Variants in MAP2K1 observed in about 807,000 individuals in gnomAD.
MAP2K1 encodes mitogen-activated protein kinase kinase 1.
In MAP2K1, 16 loss-of-function variants were observed where a neutral mutation model predicts 46.3. The ratio of observed to expected loss-of-function variants is 0.35; its 90% CI spans 0.23 to 0.52. The LOEUF (loss-of-function observed/expected upper bound fraction) is 0.52. Among genes scored for constraint, MAP2K1 ranks in the 20% least tolerant of loss-of-function variants. MAP2K1 has a pLI of 0.94. For synonymous variants in MAP2K1, 183 were observed against 185.6 expected (o/e 0.99, Z 0.11); for missense variants, 263 against 497.1 (o/e 0.53, Z 4.48).
intron 1 of MAP2K1, among the ~76,000 whole-genome samples, chr15:66,410,930 G>A (rs1049578209): frequency 1.1e-4 from 17 of 152,224 alleles, no homozygotes; most frequent in African/African-American, 1.7e-4. Context: ...CCCATCTCCC[G>A]CCCAGGCCTG....
intron 1 of MAP2K1, among the ~76,000 whole-genome samples, chr15:66,400,211 A>G (rs1036646984): frequency 2.6e-5 from 4 of 151,966 alleles, no homozygotes; most frequent in African/African-American, 9.7e-5. Context: ...TTCATTTAAG[A>G]CAGGTTCTCA....
intron 1 of MAP2K1, among the ~76,000 whole-genome samples, chr15:66,424,167 C>G (rs1433605098): frequency 6.6e-6 from 1 of 151,750 alleles, no homozygotes; most frequent in East Asian, 1.9e-4. Flanking sequence ...AAATGACTCT[C>G]CTGTCTCAGC....
intron 1 of MAP2K1, among the ~76,000 whole-genome samples, chr15:66,415,646 C>T (rs903277779): frequency 6.6e-6 from 1 of 152,220 alleles, no homozygotes; most frequent in Non-Finnish European, 1.5e-5. Context: ...GCTGACTTTC[C>T]TGGCTTGGCT....
chr15:66,452,131 CTG>C (rs1191138969), intron 5 of MAP2K1, among the ~76,000 whole-genome samples: 1 of 91,408 alleles, frequency 1.1e-5, no homozygotes, highest in Non-Finnish European at 2.1e-5. Context: ...ACTCTGGGGA[CTG>C]TGGTGGGGTC....
At chr15:66,477,411 C>A (rs984587689) in intron 5 of MAP2K1, among the ~76,000 whole-genome samples, 2 of 152,080 alleles carry the variant, frequency 1.3e-5, no homozygotes, top group African/African-American at 4.8e-5. Flanking sequence ...TGTGAACTGC[C>A]GATCTTGGAG....
intron 1 of MAP2K1, among the ~76,000 whole-genome samples, chr15:66,393,245 C>T (rs2093360831): frequency 6.6e-6 from 1 of 151,592 alleles, no homozygotes; most frequent in Non-Finnish European, 1.5e-5. Context: ...TGTTGCAATC[C>T]TGGCTCACTG....
intron 5 of MAP2K1, chr15:66,453,339 A>G (rs1290984369): frequency 6.5e-6 from 4 of 612,660 alleles, no homozygotes; most frequent in Non-Finnish European, 8.7e-6. Flanking sequence ...GTCTCTGAAC[A>G]GATGTCTTTG....
chr15:66,424,791 CTTTTTTTTT>C (rs58738231), intron 1 of MAP2K1, among the ~76,000 whole-genome samples: 32 of 82,120 alleles, frequency 3.9e-4, no homozygotes, highest in Non-Finnish European at 5.4e-4. Flanking sequence ...CAATCTCAAT[CTTTTTTTTT>C]TTTTTTTTTT....
intron 8 of MAP2K1, 35 bp downstream of exon 8, chr15:66,487,327 T>C (rs1893066818): frequency 6.2e-7 from 1 of 1,600,170 alleles, no homozygotes; most frequent in Middle Eastern, 1.7e-4. Context: ...CCTTGGAATT[T>C]ACTTGCTCAT....
chr15:66,458,285 T>G (rs1892224128), intron 5 of MAP2K1, among the ~76,000 whole-genome samples: 1 of 152,192 alleles, frequency 6.6e-6, no homozygotes. Flanking sequence ...CAAGGCCTTA[T>G]TTTGACTAAG....
At chr15:66,387,885 C>T (rs753845761) in intron 1 of MAP2K1, among the ~76,000 whole-genome samples, 1 of 152,210 alleles carries the variant, frequency 6.6e-6, no homozygotes, top group Non-Finnish European at 1.5e-5. Context: ...TCATGCCTGA[C>T]ACCTGTGGGG....
chr15:66,414,003 T>A (rs1386070474), intron 1 of MAP2K1, among the ~76,000 whole-genome samples: 1 of 151,208 alleles, frequency 6.6e-6, no homozygotes, highest in Non-Finnish European at 1.5e-5. Flanking sequence ...ATCCTCTGCA[T>A]TCGTGGCTCT....
rs34093437 is a variant in MAP2K1, at chr15:66,488,537, C to T, written c.961-678C>T. ...CCCACATTTCCTGGACTGCATGGAA[C>T]GCCATGAGCCCAGTGCTCCAGAGCC... On this transcript the variant is annotated intron_variant, in intron 8 of 10. Coordinates refer to ENST00000307102, the MANE Select transcript of MAP2K1 (RefSeq NM_002755.4). The T allele has an allele frequency of 2.9e-3, 442 of 153,522 alleles. 2 individuals carry two copies. The highest frequency in any genetic ancestry group is 0.01 in the Middle Eastern group (3 of 300). 9.5% of individuals were successfully genotyped at this position (153,522 alleles called of 1,614,324 possible).
At chr15:66,391,872 T>C (rs1158499044) in intron 1 of MAP2K1, among the ~76,000 whole-genome samples, 1 of 152,228 alleles carries the variant, frequency 6.6e-6, no homozygotes, top group African/African-American at 2.4e-5. Context: ...AGGATGGTTT[T>C]GTATGTATCT....
chr15:66,484,037 C>T (rs1021026579), intron 6 of MAP2K1, among the ~76,000 whole-genome samples: 3 of 151,680 alleles, frequency 2.0e-5, no homozygotes, highest in Admixed American at 6.6e-5. Flanking sequence ...CATGAGCCAC[C>T]GCGCCTGGCT....
chr15:66,398,168 T>C (rs1163964499), intron 1 of MAP2K1, among the ~76,000 whole-genome samples: 2 of 150,226 alleles, frequency 1.3e-5, no homozygotes, highest in Middle Eastern at 3.6e-3. Context: ...ACTTGGGCAC[T>C]TGGGGAGACC....
At chr15:66,462,496 CAAAAAAAAA>C (rs551065737) in intron 5 of MAP2K1, among the ~76,000 whole-genome samples, 1 of 72,900 alleles carries the variant, frequency 1.4e-5, no homozygotes, top group Non-Finnish European at 2.9e-5. Flanking sequence ...GACTCTGTCT[CAAAAAAAAA>C]AAAAAAAAAA....
chr15:66,404,245 C>T lies in MAP2K1; in HGVS notation c.80+16818C>T, dbSNP rs192527855. ...GCGTGTGTCTGTAGTCCCAGCCACTCGGGGGCTGAGGCAGGAGAATCACTT... is the reference window on the plus strand; with the variant it reads ...GCGTGTGTCTGTAGTCCCAGCCACTTGGGGGCTGAGGCAGGAGAATCACTT... On this transcript the variant is annotated intron_variant, in intron 1 of 10. Coordinates refer to ENST00000307102, the MANE Select transcript of MAP2K1 (RefSeq NM_002755.4). 3.9e-5 allele frequency among the ~76,000 whole-genome samples: 6 copies of T among 152,164 alleles called. No homozygotes were observed. In the East Asian group the frequency reaches 9.7e-4, roughly 24 times the overall value.
chr15:66,459,426 G>C (rs1892258433), intron 5 of MAP2K1, among the ~76,000 whole-genome samples: 1 of 151,788 alleles, frequency 6.6e-6, no homozygotes, highest in African/African-American at 2.4e-5. Flanking sequence ...AAAACAGCTT[G>C]ACCAACATGG....
Sources: gnomAD v4.1 joint callset for allele counts (sites outside exome capture counted in the v4.1 genomes callset) on GRCh38, gnomAD v4.1.1 for gene constraint, MANE v1.5 for transcripts, NCBI Gene and HGNC (gene_info 2026-07-23, HGNC 2026-07-21) for gene names.